The following GOLPH3L variants were observed in gnomAD, a reference collection of about 807,000 sequenced individuals.
The protein encoded by GOLPH3L is golgi phosphoprotein 3 like.
In GOLPH3L, 22 loss-of-function variants were observed where a neutral mutation model predicts 30.3. The ratio of observed to expected loss-of-function variants is 0.73; its 90% CI spans 0.52 to 1.04. The LOEUF is 1.04. Among genes scored for constraint, GOLPH3L ranks in the 50% least tolerant of loss-of-function variants. The pLI is 0.00. For synonymous variants in GOLPH3L, 120 were observed against 128.2 expected (o/e 0.94, Z 0.43); for missense variants, 303 against 345.8 (o/e 0.88, Z 0.98).
At chr1:150,667,297 GACTTAATATCTGACC>G (rs1171794475) in intron 2 of GOLPH3L, among the ~76,000 whole-genome samples, 1 of 152,136 alleles carries the variant, frequency 6.6e-6, no homozygotes, top group Non-Finnish European at 1.5e-5. Context: ...GCTTATTCAA[GACTTAATATCTGACC>G]ACCATACTGC....
chr1:150,682,809 C>T (rs917374866), intron 2 of GOLPH3L, among the ~76,000 whole-genome samples: 3 of 151,914 alleles, frequency 2.0e-5, no homozygotes, highest in African/African-American at 7.3e-5. Context: ...TAACCTCAAA[C>T]CCTTTGATTC....
intron 2 of GOLPH3L, among the ~76,000 whole-genome samples, chr1:150,668,676 C>T (rs1650572050): frequency 1.3e-5 from 2 of 152,146 alleles, no homozygotes; most frequent in Admixed American, 1.3e-4. Flanking sequence ...AGCCACTGTG[C>T]CTGGCCCCAA....
At chr1:150,670,107 T>A (rs34140753) in intron 2 of GOLPH3L, among the ~76,000 whole-genome samples, 3 of 148,312 alleles carry the variant, frequency 2.0e-5, no homozygotes, top group African/African-American at 7.5e-5. Flanking sequence ...CTAAAAAATA[T>A]AAAAATTGGC....
intron 2 of GOLPH3L, among the ~76,000 whole-genome samples, chr1:150,680,951 G>C (rs895427999): frequency 4.3e-4 from 66 of 152,018 alleles, no homozygotes; most frequent in Admixed American, 9.2e-4. Context: ...ACCAGACTGG[G>C]CAACATGGTG....
In GOLPH3L at chr1:150,663,971, C is replaced by T. The variant is rs376362340; in HGVS notation, c.184-208G>A. Among the ~76,000 whole-genome samples, 23 of 152,010 alleles carry T rather than the reference C, an allele frequency of 1.5e-4. No individual in the cohort carries two copies. The East Asian group carries it at 4.3e-3, about 28-fold the overall frequency. On this transcript the variant is annotated intron_variant, in intron 2 of 4. Transcript: ENST00000271732. ...TGACTTCAAGATCTTTAGTGAATTT[C>T]CATGGTTTGCTGTTAGTCAATAAAT... is the stretch of plus-strand genomic sequence containing the variant.
At chr1:150,671,788 G>A (rs1267065585) in intron 2 of GOLPH3L, among the ~76,000 whole-genome samples, 3 of 108,900 alleles carry the variant, frequency 2.8e-5, no homozygotes, top group Non-Finnish European at 1.7e-5. Flanking sequence ...CCTGGACAAC[G>A]AGAGCAAAAC....
rs372764234 is a variant in GOLPH3L, at chr1:150,651,474, AC to A, written c.431-2727del. ...AGACCAGCCTGGCCAATATGGTGAA[AC>A]CCTGTCTCTACTAAAAATACAAAAT... On this transcript the variant is annotated intron_variant, in intron 4 of 4. Coordinates refer to ENST00000271732, the MANE Select transcript of GOLPH3L (RefSeq NM_018178.6). Among the ~76,000 whole-genome samples the A allele has an allele frequency of 1.1e-3, 162 of 151,824 alleles. 2 individuals are homozygous for A. In the South Asian group the frequency reaches 0.023, roughly 22 times the overall value.
At chr1:150,675,809 T>C (rs993303522) in intron 2 of GOLPH3L, among the ~76,000 whole-genome samples, 1 of 127,722 alleles carries the variant, frequency 7.8e-6, no homozygotes, top group African/African-American at 3.0e-5. Flanking sequence ...AAAAAAAAAG[T>C]ATTGAGGAGT....
intron 2 of GOLPH3L, among the ~76,000 whole-genome samples, chr1:150,671,656 T>C (rs1048763722): frequency 3.2e-4 from 48 of 151,796 alleles, no homozygotes; most frequent in African/African-American, 1.1e-3. Context: ...AAATACAAAA[T>C]TAGCCGGGTG....
chr1:150,676,684 A>G (rs1571048542), intron 2 of GOLPH3L, among the ~76,000 whole-genome samples: 2 of 138,726 alleles, frequency 1.4e-5, no homozygotes, highest in South Asian at 4.5e-4. Context: ...CACCCAGGCT[A>G]GCAGGCTGGA....
At chr1:150,684,256 T>C (rs1031902319) in intron 2 of GOLPH3L, among the ~76,000 whole-genome samples, 5 of 152,228 alleles carry the variant, frequency 3.3e-5, no homozygotes, top group Non-Finnish European at 7.4e-5. Context: ...TGTGGTATTT[T>C]AGCAGGGCAT....
chr1:150,690,127 C>T (rs1651176526), intron 2 of GOLPH3L, among the ~76,000 whole-genome samples: 1 of 151,984 alleles, frequency 6.6e-6, no homozygotes, highest in Non-Finnish European at 1.5e-5. Flanking sequence ...GCTGAAACTG[C>T]AGGTATGTGA....
In GOLPH3L at chr1:150,648,043, G is replaced by C; in HGVS notation, c.*278C>G. The C allele has an allele frequency of 2.9e-6, 1 of 350,648 alleles. No individual in the cohort carries two copies. The highest frequency in any genetic ancestry group is 4.2e-5 in the Admixed American group (1 of 23,532). 21.7% of individuals were successfully genotyped at this position (350,648 alleles called of 1,614,324 possible). A position where few individuals can be genotyped will look rare whatever the true frequency, so the allele number is the denominator to read the frequency against. On this transcript the variant is annotated 3_prime_UTR_variant, in exon 5 of 5. Transcript: ENST00000271732. ...TTTCTGCTTATCCAAAAGCACACTG[G>C]GTGAAACTAAACCACCAAATGGGAG...
At chr1:150,694,141 G>C (rs943103184) in intron 2 of GOLPH3L, 8 of 448,706 alleles carry the variant, frequency 1.8e-5, no homozygotes, top group African/African-American at 4.1e-5. Context: ...TTACAGGCGT[G>C]AGCCACCGCG....
chr1:150,654,161 G>A (rs1650188237), intron 4 of GOLPH3L, among the ~76,000 whole-genome samples: 1 of 152,028 alleles, frequency 6.6e-6, no homozygotes, highest in South Asian at 2.1e-4. Flanking sequence ...GATAGAGAAA[G>A]GGACCAAAAG....
In GOLPH3L at chr1:150,661,970, TCATTC is replaced by T. The variant is rs768474196; in HGVS notation, c.316-47_316-43del. ...AAGAAGGAACCCTGATTCCTTCACT[TCATTC>T]AAGTTAAAATCTTTCAATATATCAT... On this transcript the variant is annotated intron_variant, in intron 3 of 4. Transcript: ENST00000271732. 1.3e-5 allele frequency: 11 copies of T among 857,884 alleles called. No individual in the cohort carries two copies. In the African/African-American group the frequency reaches 1.8e-4, roughly 14 times the overall value. 53.1% of individuals were successfully genotyped at this position (857,884 alleles called of 1,614,324 possible).
rs1203289724 is a variant in GOLPH3L at position 150,663,624 on chromosome 1, T to C, written c.315+8A>G. 3.7e-6 allele frequency: 6 copies of C among 1,608,894 alleles called. No homozygotes were observed. Among genetic ancestry groups the C allele is most frequent in the Middle Eastern group, 1.6e-4 (1 of 6,070 alleles). On this transcript the variant is annotated splice_region_variant and intron_variant, in intron 3 of 4. Coordinates refer to ENST00000271732, the MANE Select transcript of GOLPH3L (RefSeq NM_018178.6). ...ATAAGCCATGGACGTTCACAGAGGA[T>C]TCAGTACCTTTCTGTCTAGTAGTCG...
intron 2 of GOLPH3L, among the ~76,000 whole-genome samples, chr1:150,675,779 CAAAAAAAAAAAAAA>C (rs58158655): frequency 8.1e-5 from 4 of 49,264 alleles, no homozygotes; most frequent in Non-Finnish European, 3.3e-5. Flanking sequence ...GACTCTGTCT[CAAAAAAAAAAAAAA>C]AAAAAAAAAA....
At chr1:150,696,028 T>G (rs1210187989) in intron 1 of GOLPH3L, among the ~76,000 whole-genome samples, 1 of 152,188 alleles carries the variant, frequency 6.6e-6, no homozygotes, top group Non-Finnish European at 1.5e-5. Context: ...AGATATCAGT[T>G]TTTAAGATAA....
Sources: allele counts gnomAD v4.1 joint callset (sites outside exome capture counted in the v4.1 genomes callset), GRCh38; gene constraint gnomAD v4.1.1; transcripts MANE v1.5; gene names NCBI Gene and HGNC (gene_info 2026-07-23, HGNC 2026-07-21).